The following MYOF variants were observed in gnomAD, a reference collection of about 807,000 sequenced individuals.
MYOF encodes myoferlin.
In MYOF, 244 loss-of-function variants were observed where a neutral mutation model predicts 284.2. That is an observed-to-expected ratio of 0.86 (90% CI 0.77 to 0.95). The LOEUF (loss-of-function observed/expected upper bound fraction) is 0.95, where lower values mean the gene tolerates loss of function less well. Among genes scored for constraint, MYOF ranks in the 40% least tolerant of loss-of-function variants. The probability of loss-of-function intolerance (pLI) is 0.00; values close to 1 mark genes in which losing one functional copy is unlikely to be tolerated. For synonymous variants in MYOF, 904 were observed against 919.7 expected (o/e 0.98, Z 0.31); for missense variants, 2,496 against 2,560.6 (o/e 0.97, Z 0.54).
intron 9 of MYOF, among the ~76,000 whole-genome samples, chr10:93,403,232 C>T (rs1325385487): frequency 6.6e-6 from 1 of 152,192 alleles, no homozygotes; most frequent in Non-Finnish European, 1.5e-5. Flanking sequence ...TACAGAAATT[C>T]ACCTGGCCCA....
intron 7 of MYOF, among the ~76,000 whole-genome samples, chr10:93,404,983 ACTCCAACTGAGACTTTTTC>A (rs540504378): frequency 2.2e-4 from 33 of 152,332 alleles, no homozygotes; most frequent in Non-Finnish European, 4.3e-4. Flanking sequence ...TTGAACACTT[ACTCCAACTGAGACTTTTTC>A]CTCCAACTTT....
chr10:93,384,203 G>A (rs1316624056), intron 19 of MYOF, among the ~76,000 whole-genome samples: 1 of 152,224 alleles, frequency 6.6e-6, no homozygotes, highest in East Asian at 1.9e-4. Context: ...AGGCAGCTGA[G>A]AATTCTGCCG....
intron 48 of MYOF, 138 bp downstream of exon 48, chr10:93,322,940 T>C: frequency 1.2e-6 from 1 of 826,752 alleles, no homozygotes; most frequent in Admixed American, 2.0e-5. Flanking sequence ...AGGAGCTACC[T>C]AAGTAGATCA....
At chr10:93,451,085 G>A (rs985501826) in intron 3 of MYOF, among the ~76,000 whole-genome samples, 3 of 152,130 alleles carry the variant, frequency 2.0e-5, no homozygotes, top group African/African-American at 7.2e-5. Flanking sequence ...CACACCTGTA[G>A]TTCCAGCCCT....
intron 16 of MYOF, among the ~76,000 whole-genome samples, chr10:93,394,695 C>T (rs1182502435): frequency 1.4e-5 from 2 of 144,442 alleles, no homozygotes; most frequent in African/African-American, 5.1e-5. Flanking sequence ...CTCCTGACCT[C>T]GTGATCCACC....
At position 93,351,427 on chromosome 10, in the gene MYOF, T is replaced by A; in HGVS notation, c.3808A>T (p.Ile1270Phe). ...CGDVLVTAEL[I>F]LRGKDGSNLP... ...CAGCAATGTACCTTGCCCCTCAGAA[T>A]CAGCTCTGCAGTTACAAGAACATCC... The change falls in exon 34 of 54, where the codon ATT (isoleucine) becomes TTT (phenylalanine). Residue 1270 changes from isoleucine (I) to phenylalanine (F), a missense_variant. This residue lies in a region of MYOF where 2,436 missense variants were observed against 2,480.7 expected (regional missense o/e 0.98). Transcript: ENST00000359263. The A allele has an allele frequency of 6.2e-7, 1 of 1,614,134 alleles. No homozygotes were observed. The highest frequency in any genetic ancestry group is 2.2e-5 in the East Asian group (1 of 44,888).
intron 7 of MYOF, among the ~76,000 whole-genome samples, chr10:93,408,303 A>G (rs1847715701): frequency 6.6e-6 from 1 of 152,240 alleles, no homozygotes; most frequent in African/African-American, 2.4e-5. Flanking sequence ...TAATCCCAGC[A>G]CTTTGTTGGC....
intron 46 of MYOF, among the ~76,000 whole-genome samples, chr10:93,325,349 C>T (rs774738381): frequency 2.6e-5 from 4 of 152,312 alleles, no homozygotes; most frequent in South Asian, 2.1e-4. Flanking sequence ...CAGATGGCAC[C>T]TCCTGAACCG....
In MYOF at chr10:93,356,747, T is replaced by C; in HGVS notation, c.3222A>G (p.Arg1074=). ...AAGGAGCCATTTTTCTCCTCCAGCG[T>C]CTGCGGCGGAAGGTATCTGAACTAC... ...KQRSSDTFRR[R]RWRRKMAPSE... The change falls in exon 30 of 54, where the codon AGA becomes AGG. Residue 1074 remains arginine (R), a synonymous_variant. Transcript: ENST00000359263. 6.2e-7 allele frequency: 1 copy of C among 1,614,196 alleles called. No homozygotes were observed. Among genetic ancestry groups the C allele is most frequent in the Non-Finnish European group, 8.5e-7 (1 of 1,180,042 alleles).
intron 13 of MYOF, among the ~76,000 whole-genome samples, chr10:93,398,075 T>C (rs1405739310): frequency 6.6e-6 from 1 of 152,144 alleles, no homozygotes; most frequent in East Asian, 1.9e-4. Context: ...CAAAGTACAC[T>C]TCAAATAAAG....
At chr10:93,449,067 C>T (rs930522097) in intron 3 of MYOF, among the ~76,000 whole-genome samples, 1 of 152,038 alleles carries the variant, frequency 6.6e-6, no homozygotes, top group Admixed American at 6.5e-5. Context: ...CCATCCTGTC[C>T]AATATGGTGG....
At chr10:93,411,897 C>T (rs1450835796) in intron 5 of MYOF, among the ~76,000 whole-genome samples, 1 of 152,174 alleles carries the variant, frequency 6.6e-6, no homozygotes, top group East Asian at 1.9e-4. Flanking sequence ...CAGCTCTCCT[C>T]CCCCGATCTG....
intron 5 of MYOF, among the ~76,000 whole-genome samples, chr10:93,416,861 G>A (rs1848146609): frequency 6.6e-6 from 1 of 152,168 alleles, no homozygotes; most frequent in African/African-American, 2.4e-5. Context: ...GTCTCTCAAA[G>A]TGCTGGGATT....
chr10:93,464,372 A>C (rs1338999382), intron 1 of MYOF, among the ~76,000 whole-genome samples: 3 of 152,152 alleles, frequency 2.0e-5, no homozygotes, highest in Admixed American at 2.0e-4. Flanking sequence ...ATGCACACAC[A>C]TCCCATTGCT....
chr10:93,306,842 T>C lies in MYOF; in HGVS notation c.*121A>G, dbSNP rs1169116554. 9.7e-7 allele frequency: 1 copy of C among 1,034,876 alleles called. No individual in the cohort carries two copies. Among genetic ancestry groups the C allele is most frequent in the African/African-American group, 1.6e-5 (1 of 61,460 alleles). 64.1% of individuals were successfully genotyped at this position (1,034,876 alleles called of 1,614,324 possible). A position where few individuals can be genotyped will look rare whatever the true frequency, so the allele number is the denominator to read the frequency against. ...CCCTCTGGGAATCAATGGGGCTCGG[T>C]GACATGGCGTAACCTGCTACTGGGG... is the stretch of plus-strand genomic sequence containing the variant. On this transcript the variant is annotated 3_prime_UTR_variant, in exon 54 of 54. Transcript: ENST00000359263.
chr10:93,431,572 G>T, intron 3 of MYOF, 56 bp from the exon 4 acceptor site: 1 of 1,328,038 alleles, frequency 7.5e-7, no homozygotes, highest in South Asian at 1.2e-5. Context: ...GGCTTCCAAT[G>T]ACTCAGGACC....
intron 1 of MYOF, among the ~76,000 whole-genome samples, chr10:93,474,562 C>T (rs2057218500): frequency 6.6e-6 from 1 of 152,150 alleles, no homozygotes; most frequent in Admixed American, 6.5e-5. Flanking sequence ...AAATCCAAGC[C>T]ATCTTATGCA....
Position 93,319,986 on chromosome 10 carries a change from T to C in MYOF, c.5484A>G (p.Lys1828=), listed in dbSNP as rs751449727. The C allele has an allele frequency of 1.2e-6, 2 of 1,614,202 alleles. No homozygotes were observed. Among genetic ancestry groups the C allele is most frequent in the East Asian group, 4.5e-5 (2 of 44,890 alleles). ...KGWIPGNEEN[K]QKTDVHYRSL... is the part of the protein sequence containing the mutation. ...ATCTGTAATGGACATCTGTTTTCTG[T>C]TTGTTTTCTTCATTGCCAGGAATCC... Residue 1828 remains lysine, a synonymous_variant, in exon 49 of 54, where the codon AAA becomes AAG. Transcript: ENST00000359263.
At chr10:93,333,175 C>G in intron 43 of MYOF, 46 bp downstream of exon 43, 3 of 1,490,568 alleles carry the variant, frequency 2.0e-6, no homozygotes, top group Non-Finnish European at 2.8e-6. Flanking sequence ...CATGCATGTT[C>G]CGTGGAGAAA....
Sources: gnomAD v4.1 joint callset for allele counts (sites outside exome capture counted in the v4.1 genomes callset) on GRCh38, gnomAD v4.1.1 for gene constraint, gnomAD v4.1.1 regional missense constraint, MANE v1.5 for transcripts, NCBI Gene and HGNC (gene_info 2026-07-23, HGNC 2026-07-21) for gene names.